Variants in NUP85 observed in about 807,000 individuals in gnomAD.
The protein encoded by NUP85 is nuclear pore complex protein Nup85.
A neutral mutation model predicts 92.8 loss-of-function variants in NUP85; 23 were observed. That is an observed-to-expected ratio of 0.25 (90% CI 0.18 to 0.35). The LOEUF is 0.35. NUP85 is among the 10% of genes least tolerant of loss of function. The pLI, the probability that NUP85 is intolerant of heterozygous loss-of-function variation, is 1.00. For synonymous variants in NUP85, 314 were observed against 306.9 expected (o/e 1.02, Z -0.24); for missense variants, 759 against 822.8 (o/e 0.92, Z 0.95).
rs79401619 is a variant in NUP85, at chr17:75,226,357, C to T, written c.1094+200C>T. On this transcript the variant is annotated intron_variant, in intron 11 of 18. Transcript: ENST00000245544. Reference sequence around the variant, plus strand: ...GATTATTTTCTCACCGTTCTGGAGGCTAGGAAGTCCAGGATCAGGGCACTG... The same window carrying T: ...GATTATTTTCTCACCGTTCTGGAGGTTAGGAAGTCCAGGATCAGGGCACTG... 0.13 allele frequency among the ~76,000 whole-genome samples: 19,610 copies of T among 152,120 alleles called. 1,501 individuals carry two copies. Among genetic ancestry groups the T allele is most frequent in the Middle Eastern group, 0.23 (67 of 292 alleles).
intron 17 of NUP85, 147 bp from the exon 18 acceptor site, chr17:75,234,951 AAC>A (rs1176603354): frequency 1.9e-6 from 2 of 1,066,434 alleles, no homozygotes; most frequent in Non-Finnish European, 2.9e-6. Flanking sequence ...ACAGGAAACA[AAC>A]ACTGCTTGAT....
intron 7 of NUP85, among the ~76,000 whole-genome samples, chr17:75,221,976 G>T (rs1202973081): frequency 6.6e-6 from 1 of 152,106 alleles, no homozygotes; most frequent in East Asian, 1.9e-4. Context: ...GGATAAGGTT[G>T]GTGAATTGGA....
chr17:75,229,691 C>T (rs980800816), intron 11 of NUP85, among the ~76,000 whole-genome samples: 11 of 152,134 alleles, frequency 7.2e-5, no homozygotes, highest in African/African-American at 1.4e-4. Flanking sequence ...GTCTGGTCTC[C>T]GTCACTTGAG....
At position 75,235,616 on chromosome 17, in the gene NUP85, A is replaced by T; in HGVS notation, c.1908A>T (p.Arg636Ser). ...DIETTKVEML[R>S]LSLARNLARA... ...AGACCACCAAGGTGGAAATGCTGAG[A>T]CTTTCTCTGGCACGAAATCTTGCTC... The change falls in exon 19 of 19, where the codon AGA (arginine) becomes AGT (serine). Residue 636 changes from arginine (R) to serine (S), a missense_variant. Coordinates refer to ENST00000245544, the MANE Select transcript of NUP85 (RefSeq NM_024844.5). 6.2e-7 allele frequency: 1 copy of T among 1,614,162 alleles called. No homozygotes were observed. Among genetic ancestry groups the T allele is most frequent in the Non-Finnish European group, 8.5e-7 (1 of 1,179,978 alleles).
At chr17:75,229,885 A>G (rs960672199) in intron 11 of NUP85, among the ~76,000 whole-genome samples, 5 of 151,952 alleles carry the variant, frequency 3.3e-5, no homozygotes, top group South Asian at 2.1e-4. Context: ...GGCTTCTCCA[A>G]TGGTTTCGAC....
chr17:75,222,481 T>A (rs1312419688), intron 7 of NUP85, among the ~76,000 whole-genome samples: 1 of 147,210 alleles, frequency 6.8e-6, no homozygotes, highest in Non-Finnish European at 1.5e-5. Context: ...TATGTATATG[T>A]TTATATATTT....
intron 1 of NUP85, chr17:75,208,302 G>A (rs1478527928): frequency 1.2e-5 from 5 of 424,106 alleles, no homozygotes; most frequent in South Asian, 4.8e-5. Context: ...AAAAATAGCC[G>A]GGTGTGGTTG....
intron 5 of NUP85, 95 bp downstream of exon 5, chr17:75,213,214 T>A: frequency 9.5e-7 from 1 of 1,050,924 alleles, no homozygotes; most frequent in Non-Finnish European, 1.4e-6. Context: ...ATGGCAGAAG[T>A]CTCTTCTTTT....
intron 8 of NUP85, 21 bp from the exon 9 acceptor site, chr17:75,225,321 C>T: frequency 6.2e-7 from 1 of 1,614,054 alleles, no homozygotes; most frequent in Non-Finnish European, 8.5e-7. Flanking sequence ...GATGACGTCT[C>T]ATGGCTGGTC....
intron 14 of NUP85, 91 bp downstream of exon 14, chr17:75,232,070 C>A: frequency 7.1e-7 from 1 of 1,402,062 alleles, no homozygotes; most frequent in South Asian, 1.3e-5. Flanking sequence ...CAGCCATCCT[C>A]CTCCTCACGA....
At chr17:75,213,008 G>T in intron 4 of NUP85, 68 bp from the exon 5 acceptor site, 1 of 1,419,804 alleles carries the variant, frequency 7.0e-7, no homozygotes, top group Non-Finnish European at 9.8e-7. Context: ...ATAGACCCTG[G>T]AATATTCAGC....
intron 5 of NUP85, among the ~76,000 whole-genome samples, chr17:75,214,950 T>C (rs1258460762): frequency 6.6e-6 from 1 of 151,948 alleles, no homozygotes; most frequent in Non-Finnish European, 1.5e-5. Flanking sequence ...GGCAGGTGTA[T>C]CACGAGGTCA....
chr17:75,231,300 G>T lies in NUP85; in HGVS notation c.1095-40G>T. 1 of 1,606,538 alleles carries T rather than the reference G, an allele frequency of 6.2e-7. No individual in the cohort carries two copies. The highest frequency in any genetic ancestry group is 8.5e-7 in the Non-Finnish European group (1 of 1,173,132). On this transcript the variant is annotated intron_variant, in intron 11 of 18. Transcript: ENST00000245544. This position sits in a 1 kb window ranked among gnomAD's most constrained non-coding sequence, Gnocchi z 4.6. ...CCCACTCTTGTGGGACGCGGCCTGT[G>T]CCCTGATTTTCCTTCTTGCCTTGGT...
intron 14 of NUP85, among the ~76,000 whole-genome samples, chr17:75,232,432 C>T (rs1354059786): frequency 6.6e-6 from 1 of 152,108 alleles, no homozygotes; most frequent in Non-Finnish European, 1.5e-5. Context: ...GAGTTATTAC[C>T]CTGCAGAGAG....
At chr17:75,232,820 A>G (rs1357048603) in intron 14 of NUP85, 31 bp from the exon 15 acceptor site, 1 of 1,594,408 alleles carries the variant, frequency 6.3e-7, no homozygotes, top group African/African-American at 1.3e-5. Context: ...GTGGAGTGAA[A>G]GCCGTTTACC....
intron 11 of NUP85, among the ~76,000 whole-genome samples, chr17:75,230,718 C>G (rs2076020307): frequency 6.6e-6 from 1 of 152,164 alleles, no homozygotes; most frequent in South Asian, 2.1e-4. Context: ...TCTGTCACCT[C>G]ACATAGTGAC....
intron 1 of NUP85, 87 bp from the exon 2 acceptor site, chr17:75,208,440 C>CAAAAA (rs10579016): frequency 1.4e-5 from 8 of 577,174 alleles, no homozygotes; most frequent in African/African-American, 1.1e-4. Context: ...GTCTTTGTCT[C>CAAAAA]AAAAAAAAAA....
At chr17:75,232,117 G>T in intron 14 of NUP85, 138 bp downstream of exon 14, 3 of 842,514 alleles carry the variant, frequency 3.6e-6, no homozygotes, top group Non-Finnish European at 5.4e-6. Context: ...ACGCCAAGAG[G>T]TAAACTAAGA....
intron 15 of NUP85, 36 bp downstream of exon 15, chr17:75,233,004 G>T: frequency 6.2e-7 from 1 of 1,613,186 alleles, no homozygotes; most frequent in Non-Finnish European, 8.5e-7. Context: ...CAGGGACTGG[G>T]TGGTTGAGGT....
Sources: allele counts gnomAD v4.1 joint callset (sites outside exome capture counted in the v4.1 genomes callset), GRCh38; gene constraint gnomAD v4.1.1; non-coding constraint Gnocchi (gnomAD v3.1); transcripts MANE v1.5; gene names NCBI Gene and HGNC (gene_info 2026-07-23, HGNC 2026-07-21).